Variants in RPA2 observed in about 807,000 individuals in gnomAD.
RPA2 encodes the protein replication protein A2.
Under a neutral mutation model 33.4 loss-of-function variants are expected in RPA2, and 22 were observed. The ratio of observed to expected loss-of-function variants is 0.66; its 90% confidence interval spans 0.47 to 0.94. The LOEUF (loss-of-function observed/expected upper bound fraction) is 0.94, where lower values mean the gene tolerates loss of function less well. RPA2 is among the 40% of genes least tolerant of loss of function. The pLI is 0.00. For missense variants in RPA2, 279 were observed against 329.9 expected (o/e 0.85, Z 1.19); for synonymous variants, 109 against 114.9 (o/e 0.95, Z 0.33).
chr1:27,902,610 A>C (rs1204633217), intron 4 of RPA2, among the ~76,000 whole-genome samples: 1 of 152,054 alleles, frequency 6.6e-6, no homozygotes, highest in Non-Finnish European at 1.5e-5. Flanking sequence ...TAAAACAACT[A>C]TCACACTGGC....
intron 6 of RPA2, among the ~76,000 whole-genome samples, chr1:27,896,402 A>T (rs899517380): frequency 6.6e-6 from 1 of 152,034 alleles, no homozygotes; most frequent in Non-Finnish European, 1.5e-5. Context: ...ACTGGGCTCA[A>T]GTGATGCCCC....
rs555210049 is a variant in RPA2, at chr1:27,894,484, CA to C, written c.526-88del. On this transcript the variant is annotated intron_variant, in intron 6 of 8. Transcript: ENST00000373912. ...TTAAAATAGCTCGTTAAGCAGCTTACAAAAAACAATTTATAAACAGTTTCCC... is the reference window on the plus strand; with the variant it reads ...TTAAAATAGCTCGTTAAGCAGCTTACAAAAACAATTTATAAACAGTTTCCC... 1,857 of 1,083,498 alleles carry C rather than the reference CA, an allele frequency of 1.7e-3. 3 individuals carry two copies. Among genetic ancestry groups the C allele is most frequent in the Non-Finnish European group, 2.1e-3 (1,578 of 742,758 alleles). 67.1% of individuals were successfully genotyped at this position (1,083,498 alleles called of 1,614,324 possible). A position where few individuals can be genotyped will look rare whatever the true frequency, so the allele number is the denominator to read the frequency against.
chr1:27,914,422 C>T lies in RPA2; in HGVS notation c.10+12G>A, dbSNP rs748072150. On this transcript the variant is annotated intron_variant, in intron 1 of 8. Transcript: ENST00000373912. ...ATTCTCTTCCTCCTCCACCCCGCAC[C>T]CCCATCATTACTGTTCCACATCTTG... The T allele has an allele frequency of 1.2e-6, 2 of 1,608,362 alleles. No homozygotes were observed. The highest frequency in any genetic ancestry group is 1.7e-6 in the Non-Finnish European group (2 of 1,176,970).
intron 4 of RPA2, among the ~76,000 whole-genome samples, chr1:27,902,387 G>A (rs971159335): frequency 6.0e-5 from 9 of 150,232 alleles, no homozygotes; most frequent in African/African-American, 2.2e-4. Flanking sequence ...GGGTTCAAGC[G>A]AGTCTTGTGC....
chr1:27,912,064 A>G (rs2090103401), intron 2 of RPA2, among the ~76,000 whole-genome samples: 1 of 151,752 alleles, frequency 6.6e-6, no homozygotes, highest in Non-Finnish European at 1.5e-5. Flanking sequence ...ACTACACTCC[A>G]GCCTGGGCGA....
intron 4 of RPA2, among the ~76,000 whole-genome samples, chr1:27,903,174 C>A (rs150769793): frequency 1.3e-5 from 2 of 152,144 alleles, no homozygotes; most frequent in Admixed American, 6.5e-5. Context: ...GGTGATCCAC[C>A]TGCCTTGGCC....
chr1:27,910,006 T>C (rs1167658127), intron 2 of RPA2, among the ~76,000 whole-genome samples: 1 of 152,216 alleles, frequency 6.6e-6, no homozygotes, highest in African/African-American at 2.4e-5. Context: ...TTAATATTTA[T>C]AGTCTTAAAA....
intron 8 of RPA2, 68 bp from the exon 9 acceptor site, chr1:27,892,315 A>C (rs1048122191): frequency 4.1e-6 from 5 of 1,207,572 alleles, no homozygotes; most frequent in Non-Finnish European, 4.9e-6. Context: ...CCTTTTGGAT[A>C]TGGCCAAATA....
intron 4 of RPA2, among the ~76,000 whole-genome samples, chr1:27,906,661 G>A (rs1187641429): frequency 1.3e-5 from 2 of 152,130 alleles, no homozygotes; most frequent in African/African-American, 4.8e-5. Flanking sequence ...TGCACTGCCT[G>A]GGCGACAGAG....
intron 4 of RPA2, among the ~76,000 whole-genome samples, chr1:27,902,417 G>C (rs941001334): frequency 6.6e-6 from 1 of 151,614 alleles, no homozygotes; most frequent in Non-Finnish European, 1.5e-5. Flanking sequence ...CCGAGTAGCT[G>C]GGACTACAGG....
At chr1:27,912,929 A>G (rs1020575600) in intron 2 of RPA2, among the ~76,000 whole-genome samples, 7 of 152,200 alleles carry the variant, frequency 4.6e-5, no homozygotes, top group African/African-American at 1.4e-4. Context: ...CAACGGCAGA[A>G]CACACGTCTA....
At chr1:27,897,485 GA>G (rs928874967) in intron 5 of RPA2, 147 bp downstream of exon 5, 1 of 430,494 alleles carries the variant, frequency 2.3e-6, no homozygotes, top group Non-Finnish European at 3.9e-6. Context: ...AAAAAAAAAA[GA>G]AAAGTTATTT....
At chr1:27,892,593 C>T (rs113488804) in intron 8 of RPA2, among the ~76,000 whole-genome samples, 1,585 of 152,278 alleles carry the variant, frequency 0.01, 22 homozygotes, top group African/African-American at 0.035. Flanking sequence ...TAGTAGAAAC[C>T]ACTGTCTTTA....
chr1:27,914,530 C>G lies in RPA2; in HGVS notation c.-87G>C. ...CCACAGAACGCGGCCGCCACTGCGC[C>G]GCTCTGGCTACTTTTCTCTGGCACC... On this transcript the variant is annotated 5_prime_UTR_variant, in exon 1 of 9. Coordinates refer to ENST00000373912, the MANE Select transcript of RPA2 (RefSeq NM_002946.5). The G allele has an allele frequency of 1.2e-6, 2 of 1,606,542 alleles. No individual in the cohort carries two copies. Among genetic ancestry groups the G allele is most frequent in the Non-Finnish European group, 1.7e-6 (2 of 1,176,878 alleles).
chr1:27,891,927 C>T lies in RPA2; in HGVS notation c.*236G>A. Reference sequence around the variant, plus strand: ...TTGTAACAAGCTTATTTGTAACTTCCTCAAGAAATCCCACCCTGGATTGCA... The same window carrying T: ...TTGTAACAAGCTTATTTGTAACTTCTTCAAGAAATCCCACCCTGGATTGCA... On this transcript the variant is annotated 3_prime_UTR_variant, in exon 9 of 9. Coordinates refer to ENST00000373912, the MANE Select transcript of RPA2 (RefSeq NM_002946.5). 2.1e-6 allele frequency: 1 copy of T among 471,856 alleles called. No homozygotes were observed. Among genetic ancestry groups the T allele is most frequent in the Non-Finnish European group, 3.8e-6 (1 of 260,850 alleles). The allele number at this position is 471,856 out of a possible 1,614,324, so 29.2% of individuals were successfully genotyped here.
chr1:27,895,479 G>A (rs1165340957), intron 6 of RPA2, among the ~76,000 whole-genome samples: 1 of 151,902 alleles, frequency 6.6e-6, no homozygotes, highest in Admixed American at 6.6e-5. Context: ...TTGAAAGGAG[G>A]CTGAGACGGG....
At chr1:27,908,565 A>T (rs1283647091) in intron 2 of RPA2, among the ~76,000 whole-genome samples, 1 of 151,898 alleles carries the variant, frequency 6.6e-6, no homozygotes, top group African/African-American at 2.4e-5. Context: ...GCGCGATCTC[A>T]GCTCACTACA....
At position 27,903,290 on chromosome 1, in the gene RPA2, T is replaced by C. The variant is rs139219526; in HGVS notation, c.333+3638A>G. Among the ~76,000 whole-genome samples, 17 of 129,356 alleles carry C rather than the reference T, an allele frequency of 1.3e-4. No homozygotes were observed. In the East Asian group the frequency reaches 4.2e-3, roughly 32 times the overall value. 84.9% of individuals were successfully genotyped at this position (129,356 alleles called of 152,430 possible). Reference sequence around the variant, plus strand: ...AAGATACTCACTGGAGCATTGTATATAATAGCAAACGACTGAAAAGAAGTT... The same window carrying C: ...AAGATACTCACTGGAGCATTGTATACAATAGCAAACGACTGAAAAGAAGTT... On this transcript the variant is annotated intron_variant, in intron 4 of 8. Coordinates refer to ENST00000373912, the MANE Select transcript of RPA2 (RefSeq NM_002946.5).
At chr1:27,900,695 C>T (rs926930373) in intron 4 of RPA2, among the ~76,000 whole-genome samples, 3 of 152,046 alleles carry the variant, frequency 2.0e-5, no homozygotes, top group Non-Finnish European at 2.9e-5. Flanking sequence ...GACTGAGCCT[C>T]ACTCTGTTAC....
Sources: gnomAD v4.1 joint callset for allele counts (sites outside exome capture counted in the v4.1 genomes callset) on GRCh38, gnomAD v4.1.1 for gene constraint, MANE v1.5 for transcripts, NCBI Gene and HGNC (gene_info 2026-07-23, HGNC 2026-07-21) for gene names.